CELSR1: variants seen among roughly 807,000 people sequenced by gnomAD.
The protein encoded by CELSR1 is adhesion G protein-coupled receptor C1.
CELSR1 carries 110 observed loss-of-function variants against 249.1 expected under a neutral mutation model. The observed-to-expected ratio is 0.44, with a 90% CI of 0.38 to 0.52. The LOEUF (loss-of-function observed/expected upper bound fraction) is 0.52, where lower values mean the gene tolerates loss of function less well. Among genes scored for constraint, CELSR1 ranks in the 20% least tolerant of loss-of-function variants. The probability of loss-of-function intolerance (pLI) is 0.00; values close to 1 mark genes in which losing one functional copy is unlikely to be tolerated. For synonymous variants in CELSR1, 2,113 were observed against 1,900.0 expected (o/e 1.11, Z -2.92); for missense variants, 4,109 against 4,296.4 (o/e 0.96, Z 1.22).
Position 46,500,716 on chromosome 22 carries a change from G to C in CELSR1, c.3544+32911C>G, listed in dbSNP as rs961254971. The stretch of plus-strand genomic sequence containing the variant: ...TTATAATTATCTGGTCTGTTTTCTG[G>C]GTGACCTGGGAGCCTTTGACTGCAG... On this transcript the variant is annotated intron_variant, in intron 1 of 34. Coordinates refer to ENST00000674500, the MANE Select transcript of CELSR1 (RefSeq NM_001378328.1). The surrounding 1 kb of genome is among the most constrained non-coding windows in gnomAD (Gnocchi z 4.9). 1.3e-5 allele frequency among the ~76,000 whole-genome samples: 2 copies of C among 152,092 alleles called. No homozygotes were observed. The highest frequency in any genetic ancestry group is 4.8e-5 in the African/African-American group (2 of 41,408).
rs952741812 is a variant in CELSR1, at chr22:46,506,142, G to A, written c.3544+27485C>T. On this transcript the variant is annotated intron_variant, in intron 1 of 34. Coordinates refer to ENST00000674500, the MANE Select transcript of CELSR1 (RefSeq NM_001378328.1). This position sits in a 1 kb window ranked among gnomAD's most constrained non-coding sequence, Gnocchi z 4.1. ...TGCAGTGAGCTGAGATCACACCATT[G>A]CAGTCCAGCCTGGGCGACAGAGACT... Among the ~76,000 whole-genome samples the A allele has an allele frequency of 1.4e-5, 2 of 146,522 alleles. No homozygotes were observed.
intron 1 of CELSR1, among the ~76,000 whole-genome samples, chr22:46,493,450 G>T (rs778019237): frequency 1.1e-4 from 16 of 151,772 alleles, no homozygotes; most frequent in Admixed American, 2.6e-4. Flanking sequence ...GGAGGCTGAG[G>T]TAGGAGAATC....
chr22:46,365,181 G>A (rs769346241), intron 32 of CELSR1, 50 bp downstream of exon 32: 29 of 1,578,070 alleles, frequency 1.8e-5, no homozygotes, highest in East Asian at 9.0e-5. Context: ...GGCCTGCCCC[G>A]AGCCCGCTGT....
chr22:46,421,929 G>A (rs1233398727), intron 5 of CELSR1, among the ~76,000 whole-genome samples: 1 of 152,160 alleles, frequency 6.6e-6, no homozygotes, highest in Non-Finnish European at 1.5e-5. Flanking sequence ...CTTAAACACG[G>A]AACTTCCTAT....
At chr22:46,422,508 G>T (rs889523365) in intron 5 of CELSR1, among the ~76,000 whole-genome samples, 1 of 150,868 alleles carries the variant, frequency 6.6e-6, no homozygotes, top group Admixed American at 6.6e-5. Flanking sequence ...CCAAGGGGGG[G>T]CGGATCACGA....
rs1448319937 is a variant in CELSR1 at position 46,535,441 on chromosome 22, T to C, written c.1730A>G (p.Asn577Ser). 6.2e-7 allele frequency: 1 copy of C among 1,608,344 alleles called. No homozygotes were observed. Among genetic ancestry groups the C allele is most frequent in the Non-Finnish European group, 8.5e-7 (1 of 1,177,342 alleles). ...SSPFQATVLENVPLGYPVVHI... is the reference protein window; with the variant it reads ...SSPFQATVLESVPLGYPVVHI... ...CACCACGGGGTAGCCCAGGGGCACA[T>C]TCTCCAGCACCGTGGCCTGGAAGGG... The change falls in exon 1 of 35, where the codon AAT (asparagine) becomes AGT (serine). Residue 577 changes from asparagine to serine, a missense_variant. Asn to Ser is a conservative substitution (Grantham distance 46). Coordinates refer to ENST00000674500, the MANE Select transcript of CELSR1 (RefSeq NM_001378328.1).
intron 1 of CELSR1, among the ~76,000 whole-genome samples, chr22:46,498,718 A>T (rs1456888070): frequency 6.6e-6 from 1 of 152,066 alleles, no homozygotes; most frequent in East Asian, 1.9e-4. Flanking sequence ...CTGTGGAATG[A>T]GGTTTATGAT....
At position 46,506,819 on chromosome 22, in the gene CELSR1, C is replaced by T. The variant is rs969583373; in HGVS notation, c.3544+26808G>A. 6.6e-6 allele frequency among the ~76,000 whole-genome samples: 1 copy of T among 152,204 alleles called. No individual in the cohort carries two copies. The highest frequency in any genetic ancestry group is 1.9e-4 in the East Asian group (1 of 5,200). On this transcript the variant is annotated intron_variant, in intron 1 of 34. Coordinates refer to ENST00000674500, the MANE Select transcript of CELSR1 (RefSeq NM_001378328.1). This position sits in a 1 kb window ranked among gnomAD's most constrained non-coding sequence, Gnocchi z 4.1. ...GATAACAGGAAGCTGAGGCCAAGCC[C>T]GGGGGTGTCTTCTCCACGGTCTGTC... is the stretch of plus-strand genomic sequence containing the variant.
Position 46,372,932 on chromosome 22 carries a change from G to A in CELSR1, c.7710C>T (p.Pro2570=). Residue 2570 remains proline (P), a synonymous_variant, in exon 25 of 35, where the codon CCC becomes CCT. Transcript: ENST00000674500. The part of the protein sequence containing the change: ...LTEVRNIDTG[P]MRFYYVVGWG... ...AGCCCACGACGTAGTAGAACCGCAT[G>A]GGCCCCGTGTCGATGTTGCGCACCT... 5 of 1,613,074 alleles carry A rather than the reference G, an allele frequency of 3.1e-6. No homozygotes were observed. The highest frequency in any genetic ancestry group is 4.2e-6 in the Non-Finnish European group (5 of 1,179,722).
Position 46,364,128 on chromosome 22 carries a change from G to T in CELSR1, c.8903C>A (p.Ser2968Tyr). 1 of 1,612,290 alleles carries T rather than the reference G, an allele frequency of 6.2e-7. No homozygotes were observed. Among genetic ancestry groups the T allele is most frequent in the Non-Finnish European group, 8.5e-7 (1 of 1,179,684 alleles). Residue 2968 changes from serine (S) to tyrosine (Y), a missense_variant, in exon 34 of 35, where the codon TCC becomes TAC. By Grantham distance (144) the Ser-to-Tyr change is moderately radical. Around this residue, in one of 7 missense-constraint regions of CELSR1, gnomAD observed 1,805 missense variants for 1,831.6 expected, o/e 0.99. Transcript: ENST00000674500. ...GCAGTCGGGGCCGCCAGAGCCCAGG[G>T]AAGACGTGCGCGAGGATGTGGGGCT... ...EQSPTSSRTSSLGSGGPDCAI... is the reference protein window; with the variant it reads ...EQSPTSSRTSYLGSGGPDCAI...
intron 24 of CELSR1, among the ~76,000 whole-genome samples, chr22:46,373,824 C>A (rs2078888204): frequency 6.6e-6 from 1 of 152,172 alleles, no homozygotes; most frequent in Non-Finnish European, 1.5e-5. Flanking sequence ...AGCAGCCATC[C>A]CATCAGTCCA....
chr22:46,462,421 CCTCT>C (rs66464873), intron 2 of CELSR1, among the ~76,000 whole-genome samples: 9,943 of 151,880 alleles, frequency 0.065, 424 homozygotes, highest in East Asian at 0.11. Flanking sequence ...AGCCATCCTT[CCTCT>C]CTCTCTCTGC....
In CELSR1 at chr22:46,431,188, G is replaced by A. The variant is rs768835511; in HGVS notation, c.4611+2205C>T. Among the ~76,000 whole-genome samples the A allele has an allele frequency of 5.9e-5, 9 of 152,336 alleles. No homozygotes were observed. The South Asian group carries it at 6.2e-4, about 11-fold the overall frequency. Reference sequence around the variant, plus strand: ...TCTCCTCCGGGACAGTGCAGGTGGCGTCCTGCACGGGGACTTTGCTCCTCT... The same window carrying A: ...TCTCCTCCGGGACAGTGCAGGTGGCATCCTGCACGGGGACTTTGCTCCTCT... On this transcript the variant is annotated intron_variant, in intron 5 of 34. Transcript: ENST00000674500.
At chr22:46,442,342 G>A (rs1174353724) in intron 2 of CELSR1, among the ~76,000 whole-genome samples, 1 of 152,254 alleles carries the variant, frequency 6.6e-6, no homozygotes, top group Non-Finnish European at 1.5e-5. Flanking sequence ...ATCCAGCAAT[G>A]GGTCAGGGTG....
At chr22:46,529,197 C>T (rs5768901) in intron 1 of CELSR1, among the ~76,000 whole-genome samples, 1 of 150,656 alleles carries the variant, frequency 6.6e-6, no homozygotes, top group Non-Finnish European at 1.5e-5. Context: ...ACCCAGGAGG[C>T]GGAGCTTGCA....
intron 1 of CELSR1, among the ~76,000 whole-genome samples, chr22:46,507,695 C>A (rs532676234): frequency 1.3e-5 from 2 of 152,158 alleles, no homozygotes; most frequent in Admixed American, 1.3e-4. Context: ...CCTCTCCCAT[C>A]CCTGAAACTT....
chr22:46,383,550 A>T (rs1374462886), intron 20 of CELSR1, among the ~76,000 whole-genome samples: 1 of 152,222 alleles, frequency 6.6e-6, no homozygotes, highest in African/African-American at 2.4e-5. Context: ...CCAACCAGAC[A>T]GGTTTTTGCT....
Position 46,409,152 on chromosome 22 carries a change from G to T in CELSR1, c.5070C>A (p.His1690Gln). The change falls in exon 9 of 35, where the codon CAC becomes CAA. Residue 1690 changes from histidine to glutamine, a missense_variant. By Grantham distance (24) the His-to-Gln change is conservative. This residue lies in a region of CELSR1 where 453 missense variants were observed against 492.0 expected (regional missense o/e 0.92). Transcript: ENST00000674500. The surrounding 1 kb of genome is among the most constrained non-coding windows in gnomAD (Gnocchi z 9.8). ...GGKNCEQAMP[H>Q]PQLFSGESVV... ...CGCTCTCACCGCTGAAGAGCTGGGG[G>T]TGAGGCATGGCTGCGGACACAGGCC... 1 of 1,613,038 alleles carries T rather than the reference G, an allele frequency of 6.2e-7. No homozygotes were observed. The highest frequency in any genetic ancestry group is 8.5e-7 in the Non-Finnish European group (1 of 1,179,652).
At chr22:46,494,672 A>G (rs2147710033) in intron 1 of CELSR1, among the ~76,000 whole-genome samples, 1 of 151,942 alleles carries the variant, frequency 6.6e-6, no homozygotes, top group Non-Finnish European at 1.5e-5. Context: ...ACGCCTGGCT[A>G]ATTTCTGTAT....
Sources: allele counts gnomAD v4.1 joint callset (sites outside exome capture counted in the v4.1 genomes callset), GRCh38; gene constraint gnomAD v4.1.1; regional missense constraint gnomAD v4.1.1; non-coding constraint Gnocchi (gnomAD v3.1); transcripts MANE v1.5; gene names NCBI Gene and HGNC (gene_info 2026-07-23, HGNC 2026-07-21).